Variants in RBFOX1 observed in about 807,000 individuals in gnomAD.
RBFOX1 encodes the protein RNA binding protein fox-1 homolog 1.
RBFOX1 carries 8 observed loss-of-function variants against 57.7 expected under a neutral mutation model. That is an observed-to-expected ratio of 0.14 (90% confidence interval 0.08 to 0.25). The LOEUF (loss-of-function observed/expected upper bound fraction) is 0.25. RBFOX1 is among the 10% of genes least tolerant of loss of function. RBFOX1 has a pLI of 1.00. For synonymous variants in RBFOX1, 326 were observed against 222.4 expected (o/e 1.47, Z -4.15); for missense variants, 611 against 548.5 (o/e 1.11, Z -1.14).
chr16:7,165,766 A>T (rs1020556168), intron 4 of RBFOX1, among the ~76,000 whole-genome samples: 1 of 151,942 alleles, frequency 6.6e-6, no homozygotes, highest in Non-Finnish European at 1.5e-5. Context: ...TTGTTCTCCA[A>T]TTCTTAGACC....
At chr16:7,399,827 T>C (rs938549551) in intron 4 of RBFOX1, among the ~76,000 whole-genome samples, 1 of 152,208 alleles carries the variant, frequency 6.6e-6, no homozygotes, top group African/African-American at 2.4e-5. Context: ...ACATACCTGT[T>C]GTGGGGACAA....
At chr16:6,124,817 C>A (rs371674405) in intron 1 of RBFOX1, among the ~76,000 whole-genome samples, 1 of 152,096 alleles carries the variant, frequency 6.6e-6, no homozygotes, top group Non-Finnish European at 1.5e-5. Flanking sequence ...CATGAGTCAC[C>A]GTGCCTGGCG....
chr16:6,928,179 A>G (rs959907923), intron 3 of RBFOX1, among the ~76,000 whole-genome samples: 1 of 152,108 alleles, frequency 6.6e-6, no homozygotes, highest in African/African-American at 2.4e-5. Flanking sequence ...TTGGCATTGC[A>G]TGGGGAGTGT....
chr16:7,063,550 C>T (rs991925137), intron 4 of RBFOX1, among the ~76,000 whole-genome samples: 11 of 152,260 alleles, frequency 7.2e-5, no homozygotes, highest in African/African-American at 2.4e-4. Context: ...AGCCATTTCT[C>T]AAGTGGGAAT....
intron 2 of RBFOX1, among the ~76,000 whole-genome samples, chr16:6,419,194 G>A (rs1488969978): frequency 1.3e-5 from 2 of 151,996 alleles, no homozygotes; most frequent in Non-Finnish European, 2.9e-5. Context: ...TCTTTTATAA[G>A]ACCTAATTCG....
intron 4 of RBFOX1, among the ~76,000 whole-genome samples, chr16:7,302,907 C>G (rs529879867): frequency 4.3e-4 from 66 of 151,976 alleles, no homozygotes; most frequent in African/African-American, 1.5e-3. Context: ...TTTGCAAGAG[C>G]AGAATGTTAA....
At chr16:7,298,919 A>G (rs571246752) in intron 4 of RBFOX1, among the ~76,000 whole-genome samples, 1 of 152,300 alleles carries the variant, frequency 6.6e-6, no homozygotes, top group East Asian at 1.9e-4. Flanking sequence ...GAATTTCTGC[A>G]TATGTGGTCC....
At chr16:5,677,281 A>G (rs2050196666) in intron 3 of RBFOX1, among the ~76,000 whole-genome samples, 1 of 152,236 alleles carries the variant, frequency 6.6e-6, no homozygotes, top group Non-Finnish European at 1.5e-5. Context: ...ATGTCCTCCT[A>G]TGAGAAGGCA....
At chr16:6,161,536 ACATCCG>A (rs1290510600) in intron 1 of RBFOX1, among the ~76,000 whole-genome samples, 1 of 152,156 alleles carries the variant, frequency 6.6e-6, no homozygotes, top group Non-Finnish European at 1.5e-5. Flanking sequence ...ATAGAATTTA[ACATCCG>A]CATCCAAACA....
At chr16:7,342,117 C>T (rs2096909590) in intron 4 of RBFOX1, among the ~76,000 whole-genome samples, 2 of 152,104 alleles carry the variant, frequency 1.3e-5, no homozygotes, top group Admixed American at 6.5e-5. Context: ...TTGAAAAGAA[C>T]AGGATTTACA....
At chr16:6,493,287 A>G (rs932575526) in intron 2 of RBFOX1, among the ~76,000 whole-genome samples, 43 of 152,138 alleles carry the variant, frequency 2.8e-4, no homozygotes, top group African/African-American at 9.4e-4. Context: ...GCTCTTTGGA[A>G]TGGGGTGGTG....
At chr16:7,371,586 C>G (rs919799903) in intron 4 of RBFOX1, among the ~76,000 whole-genome samples, 9 of 152,048 alleles carry the variant, frequency 5.9e-5, no homozygotes, top group African/African-American at 2.2e-4. Context: ...CCTGTCTCTA[C>G]TAAAAATACA....
intron 3 of RBFOX1, among the ~76,000 whole-genome samples, chr16:5,669,973 C>T (rs974316986): frequency 1.3e-5 from 2 of 152,192 alleles, no homozygotes; most frequent in Non-Finnish European, 2.9e-5. Flanking sequence ...ACATTGTGGT[C>T]TATCCATACA....
intron 4 of RBFOX1, among the ~76,000 whole-genome samples, chr16:5,993,429 G>C (rs897358773): frequency 1.3e-5 from 2 of 151,834 alleles, no homozygotes; most frequent in Admixed American, 6.6e-5. Flanking sequence ...GAAGGAGACA[G>C]AGAGAGACAG....
intron 3 of RBFOX1, among the ~76,000 whole-genome samples, chr16:6,666,187 C>T (rs550580025): frequency 2.0e-5 from 3 of 152,306 alleles, no homozygotes; most frequent in Admixed American, 1.3e-4. Context: ...TATCCAGTCT[C>T]AGGTACATCT....
intron 3 of RBFOX1, among the ~76,000 whole-genome samples, chr16:6,828,085 A>G (rs922628455): frequency 3.3e-5 from 5 of 152,182 alleles, no homozygotes; most frequent in South Asian, 2.1e-4. Flanking sequence ...GCATGCAGTT[A>G]TGAAGAACCA....
intron 4 of RBFOX1, among the ~76,000 whole-genome samples, chr16:7,444,808 A>T (rs1405636230): frequency 6.6e-6 from 1 of 152,168 alleles, no homozygotes; most frequent in Non-Finnish European, 1.5e-5. Context: ...TTGGGGTTAC[A>T]GGCATAAGCC....
chr16:6,442,068 C>G (rs1335315736), intron 2 of RBFOX1, among the ~76,000 whole-genome samples: 1 of 152,172 alleles, frequency 6.6e-6, no homozygotes, highest in Non-Finnish European at 1.5e-5. Flanking sequence ...GCCCTTAACT[C>G]TCAGTATCTA....
At chr16:7,623,658 A>G (rs2059647321) in intron 10 of RBFOX1, among the ~76,000 whole-genome samples, 1 of 152,186 alleles carries the variant, frequency 6.6e-6, no homozygotes, top group South Asian at 2.1e-4. Context: ...TGTGTGGCCC[A>G]GTAGGGTCCG....
Sources: gnomAD v4.1 joint callset for allele counts (sites outside exome capture counted in the v4.1 genomes callset) on GRCh38, gnomAD v4.1.1 for gene constraint, MANE v1.5 for transcripts, NCBI Gene and HGNC (gene_info 2026-07-23, HGNC 2026-07-21) for gene names.